ALKBH2: variants seen among roughly 807,000 people sequenced by gnomAD.
ALKBH2 encodes the protein alkB homolog 2, alpha-ketoglutarate dependent dioxygenase, also known as DNA oxidative demethylase ALKBH2.
In ALKBH2, 19 loss-of-function variants were observed where a neutral mutation model predicts 19.7. The ratio of observed to expected loss-of-function variants is 0.97; its 90% CI spans 0.67 to 1.42. The LOEUF is 1.42. Ranked by LOEUF, ALKBH2 falls within the 40% of genes most tolerant of loss-of-function variation. The pLI, the probability that ALKBH2 is intolerant of heterozygous loss-of-function variation, is 0.00. For synonymous variants in ALKBH2, 135 were observed against 131.2 expected, an observed-to-expected ratio of 1.03 and a Z score of -0.20; for missense variants, 310 against 328.5, an observed-to-expected ratio of 0.94 and a Z score of 0.43.
At chr12:109,089,863 C>G in intron 3 of ALKBH2, 146 bp downstream of exon 3, 1 of 792,082 alleles carries the variant, frequency 1.3e-6, no homozygotes. Context: ...CCAGGAAGAC[C>G]GAGTGCTGGC....
chr12:109,089,756 A>G lies in ALKBH2; in HGVS notation c.479+253T>C, dbSNP rs1593311427. ...ATAGAAAAACCCTGTCTCAAAAAAAAAAAAGAAAGAAAAAGAGAAGAAGAA... is the reference window on the plus strand; with the variant it reads ...ATAGAAAAACCCTGTCTCAAAAAAAGAAAAGAAAGAAAAAGAGAAGAAGAA... On this transcript the variant is annotated intron_variant, in intron 3 of 3. Transcript: ENST00000429722. The G allele has an allele frequency of 2.0e-5, 10 of 505,922 alleles. No individual in the cohort carries two copies. The East Asian group carries it at 3.5e-4, about 17-fold the overall frequency. 31.3% of individuals were successfully genotyped at this position (505,922 alleles called of 1,614,324 possible). A position where few individuals can be genotyped will look rare whatever the true frequency, so the allele number is the denominator to read the frequency against.
At position 109,088,714 on chromosome 12, in the gene ALKBH2, G is replaced by GACTT. The variant is rs2042009670; in HGVS notation, c.480-206_480-203dup. ...GGTCTGTTGACGTATTTGTTCATGTGACTTATTTATTATTATTTTTGAGAG... is the reference window on the plus strand; with the variant it reads ...GGTCTGTTGACGTATTTGTTCATGTGACTTACTTATTTATTATTATTTTTGAGAG... On this transcript the variant is annotated intron_variant, in intron 3 of 3. Transcript: ENST00000429722. This position sits in a 1 kb window ranked among gnomAD's most constrained non-coding sequence, Gnocchi z 4.2. Among the ~76,000 whole-genome samples the GACTT allele has an allele frequency of 6.6e-6, 1 of 152,092 alleles. No individual in the cohort carries two copies. The highest frequency in any genetic ancestry group is 6.6e-5 in the Admixed American group (1 of 15,254).
Position 109,088,799 on chromosome 12 carries a change from C to T in ALKBH2, c.480-287G>A, listed in dbSNP as rs1181239403. Among the ~76,000 whole-genome samples, 10 of 152,200 alleles carry T rather than the reference C, an allele frequency of 6.6e-5. No individual in the cohort carries two copies. The highest frequency in any genetic ancestry group is 2.2e-4 in the African/African-American group (9 of 41,436). Reference sequence around the variant, plus strand: ...GCACAATCATAGCTCACTGCAGCCTCGGCCTCCTGGGCTCAAGTGATTCTC... The same window carrying T: ...GCACAATCATAGCTCACTGCAGCCTTGGCCTCCTGGGCTCAAGTGATTCTC... On this transcript the variant is annotated intron_variant, in intron 3 of 3. Transcript: ENST00000429722. The surrounding 1 kb of genome is among the most constrained non-coding windows in gnomAD (Gnocchi z 4.2).
intron 3 of ALKBH2, chr12:109,089,808 G>C: frequency 1.7e-6 from 1 of 593,486 alleles, no homozygotes; most frequent in Non-Finnish European, 3.0e-6. Context: ...GTTTGTTCAG[G>C]AGTTAATCAC....
chr12:109,092,769 C>T lies in ALKBH2; in HGVS notation c.18G>A (p.Val6=), dbSNP rs1305288625. 6.2e-7 allele frequency: 1 copy of T among 1,613,098 alleles called. No homozygotes were observed. The highest frequency in any genetic ancestry group is 1.3e-5 in the African/African-American group (1 of 74,904). ...TCAAAAGGCCCCCTTGAGCCCCTTTCACCAGGAATCTGTCCATCCTGTCCC... is the reference window on the plus strand; with the variant it reads ...TCAAAAGGCCCCCTTGAGCCCCTTTTACCAGGAATCTGTCCATCCTGTCCC... MDRFL[V]KGAQGGLLRK... The change falls in exon 2 of 4, where the codon GTG becomes GTA. Residue 6 remains valine (V), a synonymous_variant. Transcript: ENST00000429722.
At position 109,088,228 on chromosome 12, in the gene ALKBH2, T is replaced by C; in HGVS notation, c.764A>G (p.Lys255Arg). 2 of 1,590,728 alleles carry C rather than the reference T, an allele frequency of 1.3e-6. No individual in the cohort carries two copies. The highest frequency in any genetic ancestry group is 1.7e-6 in the Non-Finnish European group (2 of 1,167,568). Residue 255 changes from lysine (K) to arginine (R), a missense_variant, in exon 4 of 4, where the codon AAA becomes AGA. Lys to Arg is a conservative substitution (Grantham distance 26). Coordinates refer to ENST00000429722, the MANE Select transcript of ALKBH2 (RefSeq NM_001145374.2). The surrounding 1 kb of genome is among the most constrained non-coding windows in gnomAD (Gnocchi z 4.2). ...TTTTTATTTTTTAGTAAGCAAAATT[T>C]TACGAAAAGTCAGATTCACCCGTGG... ...LAPRVNLTFR[K>R]ILLTKK is the part of the protein sequence containing the mutation.
At chr12:109,090,274 C>CA in intron 2 of ALKBH2, 67 bp from the exon 3 acceptor site, 3 of 1,439,122 alleles carry the variant, frequency 2.1e-6, no homozygotes, top group African/African-American at 1.4e-5. Flanking sequence ...ATGCCCCCCC[C>CA]AACCCGCACT....
Position 109,091,695 on chromosome 12 carries a change from G to A in ALKBH2, c.280+812C>T, listed in dbSNP as rs909562771. Reference sequence around the variant, plus strand: ...TGGGACTACAGGCATGCACCACTACGCACAGCTCATTTTTTGTTGTTGTTG... The same window carrying A: ...TGGGACTACAGGCATGCACCACTACACACAGCTCATTTTTTGTTGTTGTTG... On this transcript the variant is annotated intron_variant, in intron 2 of 3. Coordinates refer to ENST00000429722, the MANE Select transcript of ALKBH2 (RefSeq NM_001145374.2). 7.3e-5 allele frequency among the ~76,000 whole-genome samples: 10 copies of A among 136,100 alleles called. No individual in the cohort carries two copies. In the East Asian group the frequency reaches 1.6e-3, roughly 21 times the overall value. 89.3% of individuals were successfully genotyped at this position (136,100 alleles called of 152,430 possible). A position where few individuals can be genotyped will look rare whatever the true frequency, so the allele number is the denominator to read the frequency against.
chr12:109,091,010 T>C (rs572848707), intron 2 of ALKBH2, among the ~76,000 whole-genome samples: 1 of 152,230 alleles, frequency 6.6e-6, no homozygotes, highest in Non-Finnish European at 1.5e-5. Flanking sequence ...CAGGCTAGGA[T>C]AGCTTGTCAA....
Position 109,093,461 on chromosome 12 carries a change from G to A in ALKBH2, c.-366C>T, listed in dbSNP as rs1014269578. Reference sequence around the variant, plus strand: ...CCCGCAGTCACCCTGGTGGCCTCGTGGTGGGAAAGACGCGCCCCAGCGAAT... The same window carrying A: ...CCCGCAGTCACCCTGGTGGCCTCGTAGTGGGAAAGACGCGCCCCAGCGAAT... On this transcript the variant is annotated 5_prime_UTR_variant, in exon 1 of 4. Transcript: ENST00000429722. 4 of 152,284 alleles carry A rather than the reference G, an allele frequency of 2.6e-5. No homozygotes were observed. Among genetic ancestry groups the A allele is most frequent in the South Asian group, 2.1e-4 (1 of 4,834 alleles). The allele number at this position is 152,284 out of a possible 1,614,324, so 9.4% of individuals were successfully genotyped here.
In ALKBH2 at chr12:109,092,878, AG is replaced by A; in HGVS notation, c.-93del. ...CCCAGTGCAAAAATCTGTTTGTCCA[AG>A]GGGTCTCACAGCAACATTCCTAGTT... On this transcript the variant is annotated 5_prime_UTR_variant, in exon 2 of 4. Transcript: ENST00000429722. 6.6e-7 allele frequency: 1 copy of A among 1,515,064 alleles called. No individual in the cohort carries two copies. The highest frequency in any genetic ancestry group is 8.8e-7 in the Non-Finnish European group (1 of 1,135,016). The allele number at this position is 1,515,064 out of a possible 1,614,324, so 93.9% of individuals were successfully genotyped here. A position where few individuals can be genotyped will look rare whatever the true frequency, so the allele number is the denominator to read the frequency against.
intron 2 of ALKBH2, 113 bp from the exon 3 acceptor site, chr12:109,090,320 T>C: frequency 2.5e-6 from 2 of 811,984 alleles, no homozygotes; most frequent in African/African-American, 1.7e-5. Context: ...ACATACATGC[T>C]CCCTGGGTAT....
chr12:109,092,169 A>G, intron 2 of ALKBH2: 1 of 203,888 alleles, frequency 4.9e-6, no homozygotes. Flanking sequence ...CTGCACTCGG[A>G]GCGATTCTGA....
In ALKBH2 at chr12:109,088,477, C is replaced by T. The variant is rs370325927; in HGVS notation, c.515G>A (p.Arg172Gln). ...KDGCDHIGEH[R>Q]DDERELAPGS... ...AGGGGCCAGTTCTCTTTCATCATCT[C>T]GGTGCTCCCCGATGTGGTCACAGCC... The change falls in exon 4 of 4, where the codon CGA becomes CAA. Residue 172 changes from arginine to glutamine, a missense_variant. Transcript: ENST00000429722. This position sits in a 1 kb window ranked among gnomAD's most constrained non-coding sequence, Gnocchi z 4.2. 7.5e-6 allele frequency: 12 copies of T among 1,609,980 alleles called. No individual in the cohort carries two copies. The highest frequency in any genetic ancestry group is 6.7e-5 in the African/African-American group (5 of 74,778).
Position 109,088,401 on chromosome 12 carries a change from G to GAAGAC in ALKBH2, c.586_590dup (p.Phe197LeufsTer30). The stretch of plus-strand genomic sequence containing the variant: ...TTTTCCCACGGGAATCCTTATGCCG[G>GAAGAC]AAGACAAAGTCTCTGCAGGCACCGA... On this transcript the variant is annotated frameshift_variant, in exon 4 of 4. Transcript: ENST00000429722. LOFTEE classifies it high-confidence loss of function. This position sits in a 1 kb window ranked among gnomAD's most constrained non-coding sequence, Gnocchi z 4.2. 1 of 1,613,764 alleles carries GAAGAC rather than the reference G, an allele frequency of 6.2e-7. No individual in the cohort carries two copies. Among genetic ancestry groups the GAAGAC allele is most frequent in the South Asian group, 1.1e-5 (1 of 91,040 alleles).
chr12:109,092,473 G>GCACACACA (rs61358885), intron 2 of ALKBH2, 34 bp downstream of exon 2: 360 of 1,363,272 alleles, frequency 2.6e-4, no homozygotes, highest in Non-Finnish European at 2.2e-4. Flanking sequence ...AGCCCTCAAT[G>GCACACACA]CACACACACA....
chr12:109,092,651 G>C lies in ALKBH2; in HGVS notation c.136C>G (p.Pro46Ala). The C allele has an allele frequency of 6.2e-7, 1 of 1,614,066 alleles. No individual in the cohort carries two copies. Among genetic ancestry groups the C allele is most frequent in the East Asian group, 2.2e-5 (1 of 44,882 alleles). The change falls in exon 2 of 4, where the codon CCA becomes GCA. Residue 46 changes from proline (P) to alanine (A), a missense_variant. By Grantham distance (27) the Pro-to-Ala change is conservative. Transcript: ENST00000429722. ...CCTGCTGAGTGGCCTCCATTCCCTG[G>C]GGCCTCTCTCCTGGGCCTCTTCCTT... ...STRKRPRREA[P>A]GNGGHSAGPS...
At position 109,092,587 on chromosome 12, in the gene ALKBH2, C is replaced by T. The variant is rs1331567957; in HGVS notation, c.200G>A (p.Cys67Tyr). The T allele has an allele frequency of 6.2e-7, 1 of 1,613,892 alleles. No individual in the cohort carries two copies. Among genetic ancestry groups the T allele is most frequent in the East Asian group, 2.2e-5 (1 of 44,886 alleles). Residue 67 changes from cysteine (C) to tyrosine (Y), a missense_variant, in exon 2 of 4, where the codon TGC (cysteine) becomes TAC (tyrosine). Physicochemically the swap from Cys to Tyr is radical, Grantham distance 194. Transcript: ENST00000429722. ...TTTGCCAAACAGGACTGTGTAACTG[C>T]AGTCCAGGCCCTCAGCCCGAATGTG... ...WRHIRAEGLD[C>Y]SYTVLFGKAE...
rs375139203 is a variant in ALKBH2, at chr12:109,092,104, C to A, written c.280+403G>T. Among the ~76,000 whole-genome samples, 11 of 152,340 alleles carry A rather than the reference C, an allele frequency of 7.2e-5. No individual in the cohort carries two copies. In the East Asian group the frequency reaches 1.9e-3, roughly 27 times the overall value. On this transcript the variant is annotated intron_variant, in intron 2 of 3. Coordinates refer to ENST00000429722, the MANE Select transcript of ALKBH2 (RefSeq NM_001145374.2). ...TCCTATGAGACCAGTGATTCTCAAA[C>A]CCTGACTGCCCATGAGAATCACCTG...
Sources: allele counts gnomAD v4.1 joint callset (sites outside exome capture counted in the v4.1 genomes callset), GRCh38; gene constraint gnomAD v4.1.1; non-coding constraint Gnocchi (gnomAD v3.1); transcripts MANE v1.5; gene names NCBI Gene and HGNC (gene_info 2026-07-23, HGNC 2026-07-21).